Variants in F8 observed in about 807,000 individuals in gnomAD.
F8 encodes the protein coagulation factor VIII.
Under a neutral mutation model 140.6 loss-of-function variants are expected in F8, and 12 were observed. That is an observed-to-expected ratio of 0.09 (90% CI 0.05 to 0.14). F8 has a LOEUF of 0.14. Among genes scored for constraint, F8 ranks in the 10% least tolerant of loss-of-function variants. The pLI, the probability that F8 is intolerant of heterozygous loss-of-function variation, is 1.00. For missense variants in F8, 1,354 were observed against 1,720.7 expected (o/e 0.79, Z 3.77); for synonymous variants, 585 against 614.6 (o/e 0.95, Z 0.71).
chrX:154,964,089 A>G (rs2073411253), intron 9 of F8, among the ~76,000 whole-genome samples: 2 of 111,873 alleles, frequency 1.8e-5, no homozygotes, highest in African/African-American at 6.5e-5. Context: ...ATGCACACAC[A>G]CACACACATA....
At chrX:154,888,406 T>TTTTTTTTTTTTTAA in intron 22 of F8, among the ~76,000 whole-genome samples, 1 of 73,724 alleles carries the variant, frequency 1.4e-5, no homozygotes, top group Non-Finnish European at 2.4e-5. Context: ...TTTTTTTTTT[T>TTTTTTTTTTTTTAA]CCCCCCGAGA....
intron 10 of F8, among the ~76,000 whole-genome samples, chrX:154,960,860 T>C (rs1383295929): frequency 8.9e-6 from 1 of 112,197 alleles, no homozygotes; most frequent in Non-Finnish European, 1.9e-5. Flanking sequence ...ACATCACCGC[T>C]AGGTAATAGG....
At position 154,987,266 on chromosome X, in the gene F8, A is replaced by T. The variant is rs2073563946; in HGVS notation, c.641T>A (p.Phe214Tyr). ...ATCAAATACAGCAAAAAGTAGTATA[A>T]ATTTGTGCAAGGTCTGTGTCTTTTC... Reference protein sequence around the residue: ...AKEKTQTLHKFILLFAVFDEG... With the variant: ...AKEKTQTLHKYILLFAVFDEG... The change falls in exon 5 of 26, where the codon TTT becomes TAT. Residue 214 changes from phenylalanine to tyrosine, a missense_variant. Transcript: ENST00000360256. The T allele has an allele frequency of 8.3e-7, 1 of 1,210,772 alleles. No homozygotes were observed. The highest frequency in any genetic ancestry group is 3.0e-5 in the East Asian group (1 of 33,832).
intron 22 of F8, among the ~76,000 whole-genome samples, chrX:154,875,849 C>G (rs1343540937): frequency 4.6e-5 from 5 of 109,214 alleles, no homozygotes; most frequent in Non-Finnish European, 9.5e-5. Flanking sequence ...ACGTTAGTAT[C>G]CAAAACGTGG....
chrX:154,940,445 T>G (rs1438994469), intron 13 of F8, among the ~76,000 whole-genome samples: 1 of 110,906 alleles, frequency 9.0e-6, no homozygotes, highest in Non-Finnish European at 1.9e-5. Context: ...TAAAATGAAG[T>G]GTGAAGATAA....
chrX:154,845,936 A>G (rs2072562544), intron 25 of F8, among the ~76,000 whole-genome samples: 1 of 112,090 alleles, frequency 8.9e-6, no homozygotes, highest in East Asian at 2.8e-4. Flanking sequence ...ACTTAGTGCT[A>G]TAAATTTTCC....
At chrX:154,965,672 A>T (rs2073419591) in intron 9 of F8, 1 of 258,202 alleles carries the variant, frequency 3.9e-6, no homozygotes, top group Non-Finnish European at 6.8e-6. Flanking sequence ...AATTTGGTTC[A>T]CAGGCCATAG....
intron 25 of F8, among the ~76,000 whole-genome samples, chrX:154,858,212 C>T (rs1187928958): frequency 8.9e-6 from 1 of 112,163 alleles, no homozygotes; most frequent in African/African-American, 3.2e-5. Flanking sequence ...TATGTCACTG[C>T]CTGATGGGCT....
chrX:154,853,749 G>T (rs1445593382), intron 25 of F8, among the ~76,000 whole-genome samples: 2 of 111,392 alleles, frequency 1.8e-5, no homozygotes, highest in South Asian at 3.7e-4. Context: ...TCTGAGGAAA[G>T]GTCTTCCTTT....
At chrX:155,020,253 T>C (rs2073753811) in intron 1 of F8, among the ~76,000 whole-genome samples, 1 of 112,258 alleles carries the variant, frequency 8.9e-6, no homozygotes, top group African/African-American at 3.2e-5. Context: ...GAACTTTATA[T>C]GATGAATGTG....
At chrX:154,964,146 A>G (rs2073411900) in intron 9 of F8, among the ~76,000 whole-genome samples, 1 of 112,130 alleles carries the variant, frequency 8.9e-6, no homozygotes, top group Admixed American at 9.5e-5. Flanking sequence ...AGGGGAGTAT[A>G]CAAACCCACA....
At chrX:154,890,617 CAT>C (rs1380284350) in intron 22 of F8, among the ~76,000 whole-genome samples, 5 of 111,952 alleles carry the variant, frequency 4.5e-5, no homozygotes, top group Admixed American at 9.4e-5. Context: ...GGAGAAAAGA[CAT>C]ATGTGTGTAT....
intron 22 of F8, among the ~76,000 whole-genome samples, chrX:154,870,780 T>C (rs28811908): frequency 0.012 from 1,359 of 111,528 alleles, 24 homozygotes; most frequent in African/African-American, 0.042. Flanking sequence ...GATGACATGA[T>C]TGTATATTTA....
intron 22 of F8, among the ~76,000 whole-genome samples, chrX:154,895,371 G>A (rs2072973551): frequency 8.9e-6 from 1 of 112,195 alleles, no homozygotes; most frequent in Non-Finnish European, 1.9e-5. Flanking sequence ...ACATTGAAAA[G>A]TTTTAGGCAG....
intron 25 of F8, among the ~76,000 whole-genome samples, chrX:154,853,118 G>T (rs1569559275): frequency 9.0e-6 from 1 of 110,531 alleles, no homozygotes; most frequent in Admixed American, 9.6e-5. Context: ...TTTCAACTGG[G>T]TTTTTTTGTT....
intron 21 of F8, among the ~76,000 whole-genome samples, chrX:154,896,518 C>T (rs1432608318): frequency 9.2e-6 from 1 of 109,276 alleles, no homozygotes; most frequent in African/African-American, 3.4e-5. Flanking sequence ...CACACACACA[C>T]ACACACACAC....
At chrX:154,843,953 G>A (rs2072542956) in intron 25 of F8, among the ~76,000 whole-genome samples, 1 of 111,420 alleles carries the variant, frequency 9.0e-6, no homozygotes, top group Non-Finnish European at 1.9e-5. Flanking sequence ...AATCCATCTT[G>A]AATTAATTTT....
At position 154,837,451 on chromosome X, in the gene F8, A is replaced by G. The variant is rs1197209847; in HGVS notation, c.*146T>C. 4.7e-6 allele frequency: 3 copies of G among 645,080 alleles called. No homozygotes were observed. The African/African-American group carries it at 6.6e-5, about 14-fold the overall frequency. The allele number at this position is 645,080 out of a possible 1,213,427, so 53.2% of individuals were successfully genotyped here. A position where few individuals can be genotyped will look rare whatever the true frequency, so the allele number is the denominator to read the frequency against. On this transcript the variant is annotated 3_prime_UTR_variant, in exon 26 of 26. Transcript: ENST00000360256. ...TCCTGGCCCCCCACCAAAGAAATGC[A>G]GGACTGATGATAGTTAATTCAGGAG...
At chrX:154,928,484 A>C in intron 14 of F8, 87 bp downstream of exon 14, 2 of 844,872 alleles carry the variant, frequency 2.4e-6, no homozygotes, top group Non-Finnish European at 3.5e-6. Context: ...TTGATTTTTC[A>C]TCCTCTAACT....
Sources: allele counts gnomAD v4.1 joint callset (sites outside exome capture counted in the v4.1 genomes callset), GRCh38; gene constraint gnomAD v4.1.1; transcripts MANE v1.5; gene names NCBI Gene and HGNC (gene_info 2026-07-23, HGNC 2026-07-21).